Variants in PI4KA observed in about 807,000 individuals in gnomAD.
PI4KA encodes the protein PI4-kinase alpha.
A neutral mutation model predicts 271.4 loss-of-function variants in PI4KA; 122 were observed. That is an observed-to-expected ratio of 0.45 (90% confidence interval 0.39 to 0.52). PI4KA has a LOEUF of 0.52. PI4KA is among the 20% of genes least tolerant of loss of function. The pLI is 0.00. For synonymous variants in PI4KA, 1,041 were observed against 1,078.8 expected, an observed-to-expected ratio of 0.96 and a Z score of 0.69; for missense variants, 1,969 against 2,769.1, an observed-to-expected ratio of 0.71 and a Z score of 6.48.
chr22:20,832,754 C>T (rs997098177), intron 3 of PI4KA, among the ~76,000 whole-genome samples: 8 of 152,102 alleles, frequency 5.3e-5, no homozygotes, highest in Non-Finnish European at 8.8e-5. Context: ...TGTGCCCGGC[C>T]GGTTTTTTCT....
At chr22:20,738,928 C>T (rs1272295909) in intron 32 of PI4KA, among the ~76,000 whole-genome samples, 1 of 150,812 alleles carries the variant, frequency 6.6e-6, no homozygotes, top group Non-Finnish European at 1.5e-5. Flanking sequence ...CTCGGACAGG[C>T]GCGGTGGCTC....
At chr22:20,722,187 G>T (rs1926816712) in intron 42 of PI4KA, among the ~76,000 whole-genome samples, 5 of 151,010 alleles carry the variant, frequency 3.3e-5, no homozygotes, top group Non-Finnish European at 5.9e-5. Context: ...AAGTTTTTTT[G>T]TTTGTTTGTT....
At chr22:20,765,972 AAC>A (rs1932490373) in intron 19 of PI4KA, among the ~76,000 whole-genome samples, 1 of 152,156 alleles carries the variant, frequency 6.6e-6, no homozygotes, top group African/African-American at 2.4e-5. Context: ...GCAGGTGAGC[AAC>A]AGTTACAGTG....
At chr22:20,852,192 C>T (rs767171079) in intron 1 of PI4KA, among the ~76,000 whole-genome samples, 16 of 152,156 alleles carry the variant, frequency 1.1e-4, no homozygotes, top group Non-Finnish European at 1.3e-4. Context: ...CAGCAACTGA[C>T]GTCAATGATG....
rs61752248 is a variant in PI4KA, at chr22:20,811,023, T to C, written c.1015A>G (p.Ile339Val). The C allele has an allele frequency of 0.014, 22,311 of 1,612,720 alleles. 219 individuals carry two copies. The highest frequency in any genetic ancestry group is 0.028 in the South Asian group (2,530 of 91,044). The change falls in exon 9 of 55, where the codon ATC becomes GTC. Residue 339 changes from isoleucine (I) to valine (V), a missense_variant. This residue lies in a region of PI4KA where 540 missense variants were observed against 555.5 expected (regional missense o/e 0.97). Transcript: ENST00000255882. Reference protein sequence around the residue: ...LRELLNLVKKIVEEAVLKSLD... With the variant: ...LRELLNLVKKVVEEAVLKSLD... The stretch of plus-strand genomic sequence containing the variant: ...GATTTGAGAACAGCCTCCTCAACGA[T>C]CTTCTTCACCTACCAAGGAAACAGA...
chr22:20,848,237 CAAAAAAA>C (rs60503165), intron 1 of PI4KA, among the ~76,000 whole-genome samples: 9 of 51,244 alleles, frequency 1.8e-4, no homozygotes, highest in Non-Finnish European at 2.4e-4. Flanking sequence ...GACTCCATCT[CAAAAAAA>C]AAAAAAAAAA....
intron 25 of PI4KA, 49 bp from the exon 26 acceptor site, chr22:20,751,804 G>C (rs1302831302): frequency 6.5e-7 from 1 of 1,545,364 alleles, no homozygotes. Context: ...CTCCAAGGAA[G>C]GTCTGCTTCT....
intron 1 of PI4KA, among the ~76,000 whole-genome samples, chr22:20,855,274 A>T (rs1010906058): frequency 5.9e-5 from 9 of 151,744 alleles, no homozygotes; most frequent in Non-Finnish European, 8.8e-5. Flanking sequence ...ATATATATAT[A>T]TTTTTATTAT....
At chr22:20,795,864 C>G (rs1934952786) in intron 18 of PI4KA, among the ~76,000 whole-genome samples, 1 of 151,458 alleles carries the variant, frequency 6.6e-6, no homozygotes, top group Non-Finnish European at 1.5e-5. Flanking sequence ...GAGAGAGGTG[C>G]CCGTGGGGAG....
intron 9 of PI4KA, among the ~76,000 whole-genome samples, chr22:20,810,430 A>AC (rs1935932093): frequency 1.3e-5 from 2 of 151,724 alleles, no homozygotes; most frequent in African/African-American, 4.8e-5. Flanking sequence ...AATGGCGTGA[A>AC]CCTGGGAGGC....
rs774569700 is a variant in PI4KA, at chr22:20,804,343, T to C, written c.1418A>G (p.Lys473Arg). 6.2e-7 allele frequency: 1 copy of C among 1,614,060 alleles called. No homozygotes were observed. The highest frequency in any genetic ancestry group is 1.3e-5 in the African/African-American group (1 of 75,022). ...SEKLQSKTSS[K>R]VIIAHLPLLI... ...CAGGGGCAAGTGAGCAATAATGACT[T>C]TGCTGGACGTCTTGGACTGCAGCTT... The change falls in exon 12 of 55, where the codon AAA (lysine) becomes AGA (arginine). Residue 473 changes from lysine to arginine, a missense_variant. Physicochemically the swap from Lys to Arg is conservative, Grantham distance 26. Transcript: ENST00000255882.
rs1280014023 is a variant in PI4KA at position 20,727,824 on chromosome 22, G to A, written c.4723C>T (p.Leu1575Phe). Residue 1575 changes from leucine to phenylalanine, a missense_variant, in exon 40 of 55, where the codon CTC becomes TTC. This residue lies in a region of PI4KA where 388 missense variants were observed against 521.5 expected (regional missense o/e 0.74). Transcript: ENST00000255882. ...TEAIGNEVTRLVRLDPGAVSD... is the reference protein window; with the variant it reads ...TEAIGNEVTRFVRLDPGAVSD... Reference sequence around the variant, plus strand: ...ACGGCTCCCGGGTCCAACCGAACGAGACGGGTCACTTCGTTCCCAATGGCT... The same window carrying A: ...ACGGCTCCCGGGTCCAACCGAACGAAACGGGTCACTTCGTTCCCAATGGCT... 69 of 1,614,024 alleles carry A rather than the reference G, an allele frequency of 4.3e-5. No homozygotes were observed. The highest frequency in any genetic ancestry group is 5.7e-5 in the Non-Finnish European group (67 of 1,180,014).
At chr22:20,720,630 C>A (rs548425065) in intron 43 of PI4KA, among the ~76,000 whole-genome samples, 1 of 152,316 alleles carries the variant, frequency 6.6e-6, no homozygotes, top group South Asian at 2.1e-4. Context: ...AGACTACTAA[C>A]ATACAACTTC....
At chr22:20,728,331 G>C (rs1263582363) in intron 39 of PI4KA, among the ~76,000 whole-genome samples, 1 of 152,226 alleles carries the variant, frequency 6.6e-6, no homozygotes, top group Non-Finnish European at 1.5e-5. Flanking sequence ...TAGTAGGTCT[G>C]AACATTAGTG....
At position 20,742,675 on chromosome 22, in the gene PI4KA, G is replaced by A. The variant is rs1929607641; in HGVS notation, c.3546C>T (p.Asp1182=). Residue 1182 remains aspartate, a synonymous_variant, in exon 31 of 55, where the codon GAC becomes GAT. Transcript: ENST00000255882. ...GCGTGTAGTGCTGAGGATGACTGCG[G>A]TCTAAAGCTGAATGTAGATCCTGGA... is the stretch of plus-strand genomic sequence containing the variant. ...MMVQDLHSAL[D]RSHPQHYTQA... is the part of the protein sequence containing the mutation. 1 of 1,614,012 alleles carries A rather than the reference G, an allele frequency of 6.2e-7. No individual in the cohort carries two copies.
chr22:20,746,261 A>G (rs970029775), intron 29 of PI4KA, among the ~76,000 whole-genome samples: 2 of 151,722 alleles, frequency 1.3e-5, no homozygotes, highest in African/African-American at 4.8e-5. Flanking sequence ...ACGGGGTTTC[A>G]CCGTGTTGGC....
At chr22:20,841,169 C>A (rs760382272) in intron 1 of PI4KA, among the ~76,000 whole-genome samples, 2 of 151,590 alleles carry the variant, frequency 1.3e-5, no homozygotes, top group Admixed American at 1.3e-4. Flanking sequence ...CATGAGCCAT[C>A]GCACCCTGCC....
chr22:20,858,701 C>T lies in PI4KA; in HGVS notation c.25G>A (p.Gly9Ser), dbSNP rs1350770419. The part of the protein sequence containing the change: MAAAPARG[G>S]GGGGGGGGGC... ...CCGCCGCCTCCGCCTCCGCCTCCGCCTCCCCGGGCCGGGGCCGCCGCCATC... is the reference window on the plus strand; with the variant it reads ...CCGCCGCCTCCGCCTCCGCCTCCGCTTCCCCGGGCCGGGGCCGCCGCCATC... Residue 9 changes from glycine (G) to serine (S), a missense_variant, in exon 1 of 55, where the codon GGC becomes AGC. Coordinates refer to ENST00000255882, the MANE Select transcript of PI4KA (RefSeq NM_058004.4). 4.8e-6 allele frequency: 7 copies of T among 1,461,994 alleles called. No individual in the cohort carries two copies. The highest frequency in any genetic ancestry group is 2.4e-5 in the Admixed American group (1 of 41,326). The allele number at this position is 1,461,994 out of a possible 1,614,324, so 90.6% of individuals were successfully genotyped here.
At chr22:20,784,969 A>T (rs1156951461) in intron 19 of PI4KA, among the ~76,000 whole-genome samples, 2 of 151,966 alleles carry the variant, frequency 1.3e-5, no homozygotes, top group Non-Finnish European at 2.9e-5. Flanking sequence ...GTAGCCAGTC[A>T]TCATGCTCTG....
Sources: allele counts gnomAD v4.1 joint callset (sites outside exome capture counted in the v4.1 genomes callset), GRCh38; gene constraint gnomAD v4.1.1; regional missense constraint gnomAD v4.1.1; transcripts MANE v1.5; gene names NCBI Gene and HGNC (gene_info 2026-07-23, HGNC 2026-07-21).